The following MAP7D2 variants were observed in gnomAD, a reference collection of about 807,000 sequenced individuals.
MAP7D2 encodes the protein MAP7 domain containing 2, also known as MAP7 domain-containing protein 2.
MAP7D2 carries 33 observed loss-of-function variants against 63.5 expected under a neutral mutation model. The ratio of observed to expected loss-of-function variants is 0.52; its 90% CI spans 0.39 to 0.70. The LOEUF is 0.70. MAP7D2 is among the 30% of genes least tolerant of loss of function. The pLI is 0.00. For missense variants in MAP7D2, 626 were observed against 604.0 expected, an observed-to-expected ratio of 1.04 and a Z score of -0.38; for synonymous variants, 224 against 223.7, an observed-to-expected ratio of 1.00 and a Z score of -0.01.
intron 5 of MAP7D2, 83 bp from the exon 6 acceptor site, chrX:20,051,029 G>A (rs1309851466): frequency 4.9e-6 from 4 of 823,152 alleles, no homozygotes; most frequent in Non-Finnish European, 6.4e-6. Context: ...ACAATGCATG[G>A]TGCAAATTAA....
At chrX:20,091,029 A>G (rs1197602974) in intron 1 of MAP7D2, among the ~76,000 whole-genome samples, 1 of 108,835 alleles carries the variant, frequency 9.2e-6, no homozygotes, top group East Asian at 2.9e-4. Context: ...ACACTGTGGT[A>G]TATTCACTGT....
intron 5 of MAP7D2, among the ~76,000 whole-genome samples, chrX:20,051,514 C>T (rs765259577): frequency 6.0e-4 from 64 of 106,661 alleles, no homozygotes; most frequent in African/African-American, 1.9e-3. Context: ...TGTATCACTG[C>T]ACTCTAGCCT....
At chrX:20,094,487 CATATATATATATATAT>C (rs1216874865) in intron 1 of MAP7D2, among the ~76,000 whole-genome samples, 8 of 15,094 alleles carry the variant, frequency 5.3e-4, no homozygotes, top group African/African-American at 2.2e-3. Flanking sequence ...AAAATACATA[CATATATATATATATAT>C]ATATATATAT....
chrX:20,013,164 G>A, intron 13 of MAP7D2, 32 bp from the exon 14 acceptor site: 1 of 1,089,152 alleles, frequency 9.2e-7, no homozygotes, highest in Non-Finnish European at 1.3e-6. Context: ...ATGAAATGAG[G>A]GAAGGCTGAC....
chrX:20,087,488 T>C (rs2065938502), intron 1 of MAP7D2, among the ~76,000 whole-genome samples: 1 of 112,132 alleles, frequency 8.9e-6, no homozygotes, highest in Non-Finnish European at 1.9e-5. Flanking sequence ...TAGAAGCAGA[T>C]GCTTCTTGCA....
chrX:20,034,786 G>C (rs758663108), intron 8 of MAP7D2, among the ~76,000 whole-genome samples: 22 of 111,907 alleles, frequency 2.0e-4, no homozygotes, highest in Non-Finnish European at 3.8e-4. Context: ...AAGCCAGTCA[G>C]TTTAGCAGCC....
chrX:20,116,299 T>C (rs1388749260), intron 1 of MAP7D2, among the ~76,000 whole-genome samples: 1 of 113,203 alleles, frequency 8.8e-6, no homozygotes, highest in Non-Finnish European at 1.9e-5. Context: ...GGCGCGAAGC[T>C]GGGCCACCTT....
chrX:20,063,040 T>C (rs976000740), intron 3 of MAP7D2, among the ~76,000 whole-genome samples: 9 of 109,449 alleles, frequency 8.2e-5, no homozygotes, highest in East Asian at 2.9e-4. Context: ...TTTTTTTTTT[T>C]CCCCTATCTA....
chrX:20,032,940 C>T (rs764349997), intron 8 of MAP7D2, among the ~76,000 whole-genome samples: 3 of 112,287 alleles, frequency 2.7e-5, no homozygotes, highest in Admixed American at 1.9e-4. Flanking sequence ...GAAGCCTAAG[C>T]CATACAGAGA....
At chrX:20,023,345 C>T (rs1236896939) in intron 10 of MAP7D2, among the ~76,000 whole-genome samples, 2 of 112,233 alleles carry the variant, frequency 1.8e-5, no homozygotes, top group African/African-American at 3.2e-5. Context: ...CAGTGCTGTT[C>T]GGGAGAGCTT....
At chrX:20,092,936 G>T (rs1009383594) in intron 1 of MAP7D2, among the ~76,000 whole-genome samples, 4 of 112,273 alleles carry the variant, frequency 3.6e-5, no homozygotes, top group African/African-American at 9.7e-5. Flanking sequence ...GCAAGCATTT[G>T]ATTTCTGTCC....
chrX:20,095,761 T>C, intron 1 of MAP7D2, among the ~76,000 whole-genome samples: 1 of 111,752 alleles, frequency 8.9e-6, no homozygotes, highest in Non-Finnish European at 1.9e-5. Flanking sequence ...GGTATATCTA[T>C]GCAAAGAAAT....
At chrX:20,031,012 C>T (rs944590322) in intron 8 of MAP7D2, among the ~76,000 whole-genome samples, 2 of 111,992 alleles carry the variant, frequency 1.8e-5, no homozygotes, top group Non-Finnish European at 3.8e-5. Context: ...CAAGGTCAGC[C>T]GGGTGCAGTG....
intron 1 of MAP7D2, among the ~76,000 whole-genome samples, chrX:20,095,407 C>T (rs1177770360): frequency 9.0e-6 from 1 of 110,802 alleles, no homozygotes; most frequent in Admixed American, 9.7e-5. Context: ...AGTATGGTGA[C>T]AAGTGACTGT....
rs1775293064 is a variant in MAP7D2, at chrX:20,007,822, C to A, written c.*603G>T. The A allele has an allele frequency of 8.9e-6, 1 of 111,805 alleles. No homozygotes were observed. 9.2% of individuals were successfully genotyped at this position (111,805 alleles called of 1,213,427 possible). On this transcript the variant is annotated 3_prime_UTR_variant, in exon 17 of 17. Transcript: ENST00000379643. ...CTCAACCAAACTTACTACTTTAACC[C>A]CAGAAGAATAATGTGGGGCAATGCA...
chrX:20,066,023 C>T (rs1021872433), intron 1 of MAP7D2, among the ~76,000 whole-genome samples: 11 of 108,633 alleles, frequency 1.0e-4, no homozygotes, highest in Non-Finnish European at 1.3e-4. Flanking sequence ...CCCGGGTTCA[C>T]GCCATTCTCC....
intron 1 of MAP7D2, among the ~76,000 whole-genome samples, chrX:20,082,690 G>A (rs989382888): frequency 1.8e-5 from 2 of 111,977 alleles, no homozygotes; most frequent in Non-Finnish European, 3.8e-5. Flanking sequence ...GTGCAATGGC[G>A]CGATCTCGGC....
intron 1 of MAP7D2, among the ~76,000 whole-genome samples, chrX:20,108,110 T>C (rs758048077): frequency 7.2e-5 from 8 of 111,886 alleles, no homozygotes; most frequent in Non-Finnish European, 1.5e-4. Context: ...TTTGTTTTTT[T>C]CTTCAGGAAA....
intron 1 of MAP7D2, among the ~76,000 whole-genome samples, chrX:20,098,654 T>C (rs759323655): frequency 1.8e-5 from 2 of 111,312 alleles, no homozygotes; most frequent in African/African-American, 6.5e-5. Context: ...CCCCAGAGAA[T>C]GTTGAGCGGA....
Sources: allele counts gnomAD v4.1 joint callset (sites outside exome capture counted in the v4.1 genomes callset), GRCh38; gene constraint gnomAD v4.1.1; transcripts MANE v1.5; gene names NCBI Gene and HGNC (gene_info 2026-07-23, HGNC 2026-07-21).